The following PLCB1 variants were observed in gnomAD, a reference collection of about 807,000 sequenced individuals.
PLCB1 encodes 1-phosphatidylinositol 4,5-bisphosphate phosphodiesterase beta-1.
PLCB1 carries 46 observed loss-of-function variants against 161.8 expected under a neutral mutation model. The ratio of observed to expected loss-of-function variants is 0.28; its 90% confidence interval spans 0.22 to 0.36. The LOEUF (loss-of-function observed/expected upper bound fraction) is 0.36. Among genes scored for constraint, PLCB1 ranks in the 10% least tolerant of loss-of-function variants. The pLI, the probability that PLCB1 is intolerant of heterozygous loss-of-function variation, is 1.00. For synonymous variants in PLCB1, 517 were observed against 503.7 expected, an observed-to-expected ratio of 1.03 and a Z score of -0.35; for missense variants, 1,016 against 1,472.5, an observed-to-expected ratio of 0.69 and a Z score of 5.07.
intron 2 of PLCB1, among the ~76,000 whole-genome samples, chr20:8,212,623 T>C (rs1204907042): frequency 6.6e-6 from 1 of 152,134 alleles, no homozygotes; most frequent in Non-Finnish European, 1.5e-5. Context: ...ACAAGCCACG[T>C]AGGCATACAA....
In PLCB1 at chr20:8,593,659, TA is replaced by T. The variant is rs200281019; in HGVS notation, c.247-34634del. Among the ~76,000 whole-genome samples the T allele has an allele frequency of 8.2e-3, 1,252 of 152,240 alleles. 20 individuals carry two copies. The highest frequency in any genetic ancestry group is 0.028 in the African/African-American group (1,162 of 41,526). On this transcript the variant is annotated intron_variant, in intron 3 of 31. Coordinates refer to ENST00000338037, the MANE Select transcript of PLCB1 (RefSeq NM_015192.4). ...TTGTTTTTATTAGATTTTTTATTTT[TA>T]TTTTTTTAATGGGGTGAGGGAGGTG...
chr20:8,562,867 G>C (rs1350935678), intron 3 of PLCB1, among the ~76,000 whole-genome samples: 2 of 151,952 alleles, frequency 1.3e-5, no homozygotes, highest in Non-Finnish European at 2.9e-5. Flanking sequence ...TTACAAACTA[G>C]AAAAGATTCT....
intron 3 of PLCB1, among the ~76,000 whole-genome samples, chr20:8,583,405 G>GT (rs1986893647): frequency 6.6e-6 from 1 of 152,040 alleles, no homozygotes; most frequent in South Asian, 2.1e-4. Context: ...ACATTAAATA[G>GT]TTTTTTTAAA....
intron 31 of PLCB1, among the ~76,000 whole-genome samples, chr20:8,820,605 A>G (rs770133181): frequency 2.0e-5 from 3 of 152,348 alleles, no homozygotes; most frequent in African/African-American, 4.8e-5. Context: ...GTACAGTCCT[A>G]TAACCAGAAA....
intron 2 of PLCB1, among the ~76,000 whole-genome samples, chr20:8,298,515 C>T (rs1028818366): frequency 6.6e-6 from 1 of 150,676 alleles, no homozygotes; most frequent in Non-Finnish European, 1.5e-5. Flanking sequence ...AACTGACATG[C>T]TTTAAAGTAA....
intron 2 of PLCB1, among the ~76,000 whole-genome samples, chr20:8,193,228 A>G (rs1255569131): frequency 1.3e-5 from 2 of 152,014 alleles, no homozygotes; most frequent in Non-Finnish European, 2.9e-5. Flanking sequence ...ATAACTATCA[A>G]AATTACAAAT....
chr20:8,720,968 A>T (rs948703078), intron 14 of PLCB1, among the ~76,000 whole-genome samples: 1 of 152,158 alleles, frequency 6.6e-6, no homozygotes, highest in Admixed American at 6.5e-5. Flanking sequence ...TACGTTTTCT[A>T]TCCAAAATAT....
intron 1 of PLCB1, among the ~76,000 whole-genome samples, chr20:8,144,418 T>A (rs916443247): frequency 6.6e-6 from 1 of 152,198 alleles, no homozygotes; most frequent in Admixed American, 6.5e-5. Context: ...GGGATTTTTC[T>A]GCTTGTTCTG....
chr20:8,456,364 C>T (rs939929520), intron 3 of PLCB1, among the ~76,000 whole-genome samples: 3 of 152,040 alleles, frequency 2.0e-5, no homozygotes, highest in South Asian at 2.1e-4. Context: ...CTGTGAATTG[C>T]GAGTGAAAAG....
intron 3 of PLCB1, 65 bp from the exon 4 acceptor site, chr20:8,628,229 G>A (rs1988418543): frequency 6.5e-6 from 8 of 1,226,336 alleles, no homozygotes; most frequent in Non-Finnish European, 9.6e-6. Context: ...AACAGAAGTT[G>A]AAGTTATGCT....
intron 2 of PLCB1, chr20:8,256,998 G>A (rs1039486191): frequency 2.6e-5 from 4 of 152,134 alleles, no homozygotes; most frequent in Admixed American, 2.0e-4. Flanking sequence ...TTTCCTAAAA[G>A]GGTATGGGTA....
intron 3 of PLCB1, among the ~76,000 whole-genome samples, chr20:8,521,963 T>G (rs1984367130): frequency 6.6e-6 from 1 of 152,218 alleles, no homozygotes. Flanking sequence ...GTAGCAAATG[T>G]GATTAGGCAG....
At chr20:8,407,203 A>G (rs1185150969) in intron 3 of PLCB1, among the ~76,000 whole-genome samples, 1 of 152,222 alleles carries the variant, frequency 6.6e-6, no homozygotes, top group Non-Finnish European at 1.5e-5. Flanking sequence ...AATCTTTCAT[A>G]CAGAATAGTC....
At chr20:8,522,670 T>C (rs1360506833) in intron 3 of PLCB1, among the ~76,000 whole-genome samples, 2 of 152,180 alleles carry the variant, frequency 1.3e-5, no homozygotes, top group African/African-American at 4.8e-5. Flanking sequence ...AAACAAGGCA[T>C]TGAATAGTCT....
chr20:8,788,523 GAAGT>G lies in PLCB1; in HGVS notation c.3188+2_3188+5del. On this transcript the variant is annotated splice_donor_variant and coding_sequence_variant, in exon 28 of 32. Coordinates refer to ENST00000338037, the MANE Select transcript of PLCB1 (RefSeq NM_015192.4). LOFTEE classifies it high-confidence loss of function. Reference sequence around the variant, plus strand: ...TAAAGAAGCTCAAAGAAATCTGTGAGAAGTAAGCCCTCATTCCCATTACAATTGA... The same window carrying G: ...TAAAGAAGCTCAAAGAAATCTGTGAGAAGCCCTCATTCCCATTACAATTGA... 1 of 1,612,944 alleles carries G rather than the reference GAAGT, an allele frequency of 6.2e-7. No homozygotes were observed. Among genetic ancestry groups the G allele is most frequent in the Non-Finnish European group, 8.5e-7 (1 of 1,179,378 alleles).
chr20:8,151,289 C>T (rs1441150859), intron 2 of PLCB1, among the ~76,000 whole-genome samples: 1 of 152,156 alleles, frequency 6.6e-6, no homozygotes, highest in East Asian at 1.9e-4. Flanking sequence ...TTAGCTCTTT[C>T]AAAACTCTAC....
At chr20:8,555,824 C>G (rs1422204344) in intron 3 of PLCB1, among the ~76,000 whole-genome samples, 1 of 151,806 alleles carries the variant, frequency 6.6e-6, no homozygotes, top group Non-Finnish European at 1.5e-5. Flanking sequence ...CATGTCTGCC[C>G]CAAATAATCA....
chr20:8,608,840 G>T (rs944149229), intron 3 of PLCB1, among the ~76,000 whole-genome samples: 5 of 152,092 alleles, frequency 3.3e-5, no homozygotes, highest in Admixed American at 1.3e-4. Flanking sequence ...TCTTAAATTT[G>T]AATGAATTCA....
intron 9 of PLCB1, among the ~76,000 whole-genome samples, chr20:8,659,991 C>A (rs75878683): frequency 0.022 from 2,407 of 108,552 alleles, no homozygotes; most frequent in Middle Eastern, 0.033. Context: ...GACTCTGTCT[C>A]AAAAAAAAAA....
Sources: allele counts gnomAD v4.1 joint callset (sites outside exome capture counted in the v4.1 genomes callset), GRCh38; gene constraint gnomAD v4.1.1; transcripts MANE v1.5; gene names NCBI Gene and HGNC (gene_info 2026-07-23, HGNC 2026-07-21).